The following MROH7 variants were observed in gnomAD, a reference collection of about 807,000 sequenced individuals.
MROH7 encodes maestro heat like repeat family member 7, also known as maestro heat-like repeat-containing protein family member 7.
MROH7 carries 113 observed loss-of-function variants against 129.2 expected under a neutral mutation model. That is an observed-to-expected ratio of 0.87 (90% CI 0.75 to 1.02). The LOEUF is 1.02. MROH7 is among the 50% of genes least tolerant of loss of function. MROH7 has a pLI of 0.00. For synonymous variants in MROH7, 655 were observed against 667.9 expected (o/e 0.98, Z 0.30); for missense variants, 1,601 against 1,671.3 (o/e 0.96, Z 0.73).
intron 22 of MROH7, among the ~76,000 whole-genome samples, chr1:54,707,070 T>C (rs995386619): frequency 1.3e-5 from 2 of 152,232 alleles, no homozygotes; most frequent in South Asian, 2.1e-4. Context: ...AGGTGCTCAA[T>C]GTTAGCAGTC....
chr1:54,708,779 G>A (rs971559120), intron 22 of MROH7, among the ~76,000 whole-genome samples: 2 of 152,198 alleles, frequency 1.3e-5, no homozygotes, highest in African/African-American at 4.8e-5. Context: ...GTCAGGGTCA[G>A]CTGCAGCCCA....
intron 1 of MROH7, among the ~76,000 whole-genome samples, chr1:54,648,104 G>A (rs567461604): frequency 2.0e-5 from 3 of 151,380 alleles, no homozygotes; most frequent in Non-Finnish European, 4.4e-5. Flanking sequence ...GGCTGGTCTC[G>A]AACTCCTGGG....
rs1553176969 is a variant in MROH7, at chr1:54,699,187, C to CTTTCTTTCTTTCTTTCTCTT, written c.2965-1133_2965-1132insTTCTTTCTTTCTTTCTCTTT. ...TCTTTCTTTCTTTCTTTCTTTCTTTCTCTTTCTTTCTTTCTTTCTCTCCCT... is the reference window on the plus strand; with the variant it reads ...TCTTTCTTTCTTTCTTTCTTTCTTTCTTTCTTTCTTTCTTTCTCTTTCTTTCTTTCTTTCTTTCTCTCCCT... On this transcript the variant is annotated intron_variant, in intron 17 of 23. Transcript: ENST00000421030. 3.7e-4 allele frequency: 28 copies of CTTTCTTTCTTTCTTTCTCTT among 75,902 alleles called. No individual in the cohort carries two copies. In the East Asian group the frequency reaches 6.5e-3, roughly 18 times the overall value. 4.7% of individuals were successfully genotyped at this position (75,902 alleles called of 1,614,324 possible). A position where few individuals can be genotyped will look rare whatever the true frequency, so the allele number is the denominator to read the frequency against.
chr1:54,680,020 C>T lies in MROH7; in HGVS notation c.2356C>T (p.Leu786Phe). ...SFMTEVVVAL[L>F]MCPLPLNSNG... ...CATGACCGAGGTTGTGGTGGCCCTG[C>T]TCATGTGCCCCCTCCCACTGAACAG... Residue 786 changes from leucine to phenylalanine, a missense_variant, in exon 13 of 24, where the codon CTC becomes TTC. Coordinates refer to ENST00000421030, the MANE Select transcript of MROH7 (RefSeq NM_001039464.4). 1 of 1,614,014 alleles carries T rather than the reference C, an allele frequency of 6.2e-7. No individual in the cohort carries two copies. The highest frequency in any genetic ancestry group is 1.1e-5 in the South Asian group (1 of 91,084).
At chr1:54,665,080 C>A (rs1171100866) in intron 3 of MROH7, 87 bp from the exon 4 acceptor site, 3 of 986,460 alleles carry the variant, frequency 3.0e-6, no homozygotes, top group Non-Finnish European at 1.6e-6. Context: ...ATTGGAGGTG[C>A]CTAGAGGGGG....
intron 16 of MROH7, 69 bp from the exon 17 acceptor site, chr1:54,695,307 G>A: frequency 1.2e-6 from 1 of 818,750 alleles, no homozygotes. Context: ...AGTGTCACAA[G>A]CAAATCCCCC....
At chr1:54,692,593 G>A (rs1313523659) in intron 16 of MROH7, 32 bp downstream of exon 16, 2 of 1,601,140 alleles carry the variant, frequency 1.2e-6, no homozygotes, top group African/African-American at 2.7e-5. Context: ...GGGTTGGGGT[G>A]GGAGGGAGAA....
intron 14 of MROH7, among the ~76,000 whole-genome samples, chr1:54,684,584 C>T (rs1645117997): frequency 6.6e-6 from 1 of 152,240 alleles, no homozygotes; most frequent in African/African-American, 2.4e-5. Context: ...CAAGATAGAG[C>T]CGAAAGCAAA....
At chr1:54,677,412 A>G (rs1004681637) in intron 10 of MROH7, among the ~76,000 whole-genome samples, 37 of 152,080 alleles carry the variant, frequency 2.4e-4, no homozygotes, top group African/African-American at 8.7e-4. Flanking sequence ...ACAAACAAAC[A>G]AAACAAAACA....
At chr1:54,664,459 G>A (rs1644781119) in intron 3 of MROH7, among the ~76,000 whole-genome samples, 2 of 152,204 alleles carry the variant, frequency 1.3e-5, no homozygotes, top group Non-Finnish European at 2.9e-5. Context: ...AGGAGGTATG[G>A]CGAGCAGTGG....
In MROH7 at chr1:54,695,508, G is replaced by A. The variant is rs775121829; in HGVS notation, c.2964+18G>A. 1.4e-5 allele frequency: 22 copies of A among 1,561,562 alleles called. No individual in the cohort carries two copies. The highest frequency in any genetic ancestry group is 3.4e-5 in the Admixed American group (2 of 59,274). ...TCGTGGAGGTACCAACGGGGGCAGC[G>A]GGTACACAGCGGGAGCTCCTCCCGG... On this transcript the variant is annotated intron_variant, in intron 17 of 23. Coordinates refer to ENST00000421030, the MANE Select transcript of MROH7 (RefSeq NM_001039464.4).
chr1:54,695,946 C>T (rs1279064330), intron 17 of MROH7: 1 of 297,480 alleles, frequency 3.4e-6, no homozygotes, highest in Non-Finnish European at 6.5e-6. Context: ...GGAGGGCTTC[C>T]TGGAGGAGGT....
intron 1 of MROH7, among the ~76,000 whole-genome samples, chr1:54,647,869 C>T (rs1289434547): frequency 3.7e-5 from 5 of 135,446 alleles, no homozygotes; most frequent in African/African-American, 1.4e-4. Flanking sequence ...TGTGCCATTG[C>T]ACTCTAGCCT....
At chr1:54,666,009 T>C (rs1216972695) in intron 4 of MROH7, among the ~76,000 whole-genome samples, 1 of 152,248 alleles carries the variant, frequency 6.6e-6, no homozygotes, top group East Asian at 1.9e-4. Flanking sequence ...CACTGGCCTT[T>C]TTCTGTTTCT....
Position 54,695,497 on chromosome 1 carries a change from A to G in MROH7, c.2964+7A>G. ...CACCGCCTTCTTCGTGGAGGTACCA[A>G]CGGGGGCAGCGGGTACACAGCGGGA... On this transcript the variant is annotated splice_region_variant and intron_variant, in intron 17 of 23. Transcript: ENST00000421030. The G allele has an allele frequency of 1.2e-6, 2 of 1,600,972 alleles. No individual in the cohort carries two copies. The highest frequency in any genetic ancestry group is 1.7e-6 in the Non-Finnish European group (2 of 1,169,282).
At position 54,702,127 on chromosome 1, in the gene MROH7, A is replaced by G; in HGVS notation, c.3323A>G (p.Tyr1108Cys). The change falls in exon 20 of 24, where the codon TAT becomes TGT. Residue 1108 changes from tyrosine (Y) to cysteine (C), a missense_variant. Coordinates refer to ENST00000421030, the MANE Select transcript of MROH7 (RefSeq NM_001039464.4). ...EVVRSSCINL[Y>C]GKVVQKLRAP... ...GTGCGCTCCTCCTGCATCAACCTGT[A>G]TGGGAAGGTGGTCCAGAAGCTTCGG... 6 of 1,611,938 alleles carry G rather than the reference A, an allele frequency of 3.7e-6. No homozygotes were observed. The highest frequency in any genetic ancestry group is 5.1e-6 in the Non-Finnish European group (6 of 1,178,948).
intron 5 of MROH7, among the ~76,000 whole-genome samples, chr1:54,669,619 G>A (rs1186681738): frequency 6.6e-6 from 1 of 152,172 alleles, no homozygotes. Flanking sequence ...CAAACTCCTG[G>A]GCTCACGGGA....
chr1:54,679,536 T>G (rs1569932450), intron 12 of MROH7, 97 bp downstream of exon 12: 1 of 1,370,844 alleles, frequency 7.3e-7, no homozygotes, highest in Non-Finnish European at 1.0e-6. Context: ...GTGGGCAGGG[T>G]GGGGTATACC....
Position 54,653,732 on chromosome 1 carries a change from G to T in MROH7, c.806G>T (p.Ser269Ile). 6.2e-7 allele frequency: 1 copy of T among 1,614,172 alleles called. No homozygotes were observed. Among genetic ancestry groups the T allele is most frequent in the Non-Finnish European group, 8.5e-7 (1 of 1,180,038 alleles). ...AAAGGAGCCTTTAGTACCACCTGGA[G>T]CACAAGTTCAAAGGAAACCATGAAT... ...VSKGAFSTTW[S>I]TSSKETMNVA... The change falls in exon 3 of 24, where the codon AGC becomes ATC. Residue 269 changes from serine to isoleucine, a missense_variant. Ser to Ile is a moderately radical substitution (Grantham distance 142). Coordinates refer to ENST00000421030, the MANE Select transcript of MROH7 (RefSeq NM_001039464.4).
Sources: allele counts gnomAD v4.1 joint callset (sites outside exome capture counted in the v4.1 genomes callset), GRCh38; gene constraint gnomAD v4.1.1; transcripts MANE v1.5; gene names NCBI Gene and HGNC (gene_info 2026-07-23, HGNC 2026-07-21).